Variants in ADGRA2 observed in about 807,000 individuals in gnomAD.
ADGRA2 encodes the protein adhesion G protein-coupled receptor A2.
A neutral mutation model predicts 98.7 loss-of-function variants in ADGRA2; 61 were observed. That is an observed-to-expected ratio of 0.62 (90% CI 0.50 to 0.76). The LOEUF (loss-of-function observed/expected upper bound fraction) is 0.76. Among genes scored for constraint, ADGRA2 ranks in the 30% least tolerant of loss-of-function variants. The probability of loss-of-function intolerance (pLI) is 0.00; values close to 1 mark genes in which losing one functional copy is unlikely to be tolerated. For synonymous variants in ADGRA2, 858 were observed against 831.5 expected (o/e 1.03, Z -0.55); for missense variants, 1,712 against 1,860.0 (o/e 0.92, Z 1.46).
chr8:37,806,620 C>T (rs1243680791), intron 1 of ADGRA2, among the ~76,000 whole-genome samples: 3 of 149,194 alleles, frequency 2.0e-5, no homozygotes, highest in African/African-American at 7.5e-5. Flanking sequence ...ACCTCTGCCT[C>T]CTGGGTTCAA....
chr8:37,838,646 T>G (rs1303076955), intron 14 of ADGRA2, among the ~76,000 whole-genome samples: 2 of 152,232 alleles, frequency 1.3e-5, no homozygotes, highest in East Asian at 3.9e-4. Context: ...ACTGCCACTC[T>G]CCAGTCCTGC....
At chr8:37,833,360 T>C in intron 9 of ADGRA2, 152 bp downstream of exon 9, 1 of 680,836 alleles carries the variant, frequency 1.5e-6, no homozygotes, top group Non-Finnish European at 2.4e-6. Flanking sequence ...GCTCCTCTCC[T>C]CCAGCCGCCC....
rs1330099159 is a variant in ADGRA2 at position 37,822,418 on chromosome 8, C to CACACACACACACAG, written c.339-6470_339-6469insACACACACACACAG. Among the ~76,000 whole-genome samples, 56 of 146,630 alleles carry CACACACACACACAG rather than the reference C, an allele frequency of 3.8e-4. 1 individual carries two copies. The highest frequency in any genetic ancestry group is 5.2e-4 in the Non-Finnish European group (35 of 67,736). ...ACACACACACACACACAGTCACATGCTCTTTAACTCACATGCTCTTTAACG... is the reference window on the plus strand; with the variant it reads ...ACACACACACACACACAGTCACATGCACACACACACACAGTCTTTAACTCACATGCTCTTTAACG... On this transcript the variant is annotated intron_variant, in intron 2 of 18. Coordinates refer to ENST00000412232, the MANE Select transcript of ADGRA2 (RefSeq NM_032777.10).
intron 2 of ADGRA2, among the ~76,000 whole-genome samples, chr8:37,816,927 AACACACACACACACAC>A (rs3050620): frequency 0.036 from 4,703 of 131,976 alleles, 158 homozygotes; most frequent in East Asian, 0.18. Context: ...AAGAAAGCAA[AACACACACACACACAC>A]ACACACACAC....
At position 37,841,639 on chromosome 8, in the gene ADGRA2, G is replaced by C. The variant is rs1805796089; in HGVS notation, c.3301G>C (p.Ala1101Pro). The C allele has an allele frequency of 6.6e-7, 1 of 1,524,400 alleles. No homozygotes were observed. Among genetic ancestry groups the C allele is most frequent in the Non-Finnish European group, 8.8e-7 (1 of 1,136,078 alleles). The allele number at this position is 1,524,400 out of a possible 1,614,324, so 94.4% of individuals were successfully genotyped here. The change falls in exon 19 of 19, where the codon GCC becomes CCC. Residue 1101 changes from alanine (A) to proline (P), a missense_variant. Transcript: ENST00000412232. This position sits in a 1 kb window ranked among gnomAD's most constrained non-coding sequence, Gnocchi z 5.0. ...APHAPPRALP[A>P]AAEDGSPVFG... ...CCATGCCCCGCCCCGGGCCCTGCCCGCCGCCGCAGAGGACGGTTCCCCGGT... is the reference window on the plus strand; with the variant it reads ...CCATGCCCCGCCCCGGGCCCTGCCCCCCGCCGCAGAGGACGGTTCCCCGGT...
chr8:37,803,402 A>G (rs1192000166), intron 1 of ADGRA2, among the ~76,000 whole-genome samples: 1 of 152,152 alleles, frequency 6.6e-6, no homozygotes, highest in Non-Finnish European at 1.5e-5. Context: ...GCCAGAGAGC[A>G]GGGGCGGGGA....
Position 37,797,224 on chromosome 8 carries a change from G to A in ADGRA2, c.-45G>A. The stretch of plus-strand genomic sequence containing the variant: ...ACGCCTGGGTCCCTCCGGCCGGCGC[G>A]CAGCCCGGCCCCAGCGCTGTGGGTC... On this transcript the variant is annotated 5_prime_UTR_variant, in exon 1 of 19. Coordinates refer to ENST00000412232, the MANE Select transcript of ADGRA2 (RefSeq NM_032777.10). This position sits in a 1 kb window ranked among gnomAD's most constrained non-coding sequence, Gnocchi z 5.3. 1 of 1,202,804 alleles carries A rather than the reference G, an allele frequency of 8.3e-7. No individual in the cohort carries two copies. The allele number at this position is 1,202,804 out of a possible 1,614,324, so 74.5% of individuals were successfully genotyped here.
At chr8:37,817,474 G>A (rs1369231537) in intron 2 of ADGRA2, among the ~76,000 whole-genome samples, 1 of 151,986 alleles carries the variant, frequency 6.6e-6, no homozygotes. Flanking sequence ...GCTTTGGGAG[G>A]CAGGCAGATT....
chr8:37,825,232 T>G (rs1805241996), intron 2 of ADGRA2, among the ~76,000 whole-genome samples: 1 of 151,986 alleles, frequency 6.6e-6, no homozygotes, highest in African/African-American at 2.4e-5. Context: ...GATCAGACCA[T>G]CCAGCAAAGG....
chr8:37,827,893 G>A (rs549113513), intron 2 of ADGRA2, among the ~76,000 whole-genome samples: 3 of 152,312 alleles, frequency 2.0e-5, no homozygotes, highest in African/African-American at 7.2e-5. Context: ...CAGCACTTTG[G>A]GAGGCCCAGG....
chr8:37,842,366 G>T lies in ADGRA2; in HGVS notation c.*11G>T. The T allele has an allele frequency of 6.9e-7, 1 of 1,457,342 alleles. No individual in the cohort carries two copies. The highest frequency in any genetic ancestry group is 2.7e-5 in the East Asian group (1 of 37,130). The allele number at this position is 1,457,342 out of a possible 1,614,324, so 90.3% of individuals were successfully genotyped here. On this transcript the variant is annotated 3_prime_UTR_variant, in exon 19 of 19. Coordinates refer to ENST00000412232, the MANE Select transcript of ADGRA2 (RefSeq NM_032777.10). ...GAAACTACCGTCTAAGGTGGGGCGG[G>T]CGACGCGGTAGACGGGCTGGCCACG...
In ADGRA2 at chr8:37,842,448, G is replaced by A; in HGVS notation, c.*93G>A. The A allele has an allele frequency of 7.3e-7, 1 of 1,377,748 alleles. No homozygotes were observed. The highest frequency in any genetic ancestry group is 1.8e-5 in the South Asian group (1 of 56,360). 85.3% of individuals were successfully genotyped at this position (1,377,748 alleles called of 1,614,324 possible). On this transcript the variant is annotated 3_prime_UTR_variant, in exon 19 of 19. Transcript: ENST00000412232. Reference sequence around the variant, plus strand: ...AAGGTGTCTCCGTAGTCAGCAGGTTGGAGGCAGAGGAGCCGATGGCTGGAG... The same window carrying A: ...AAGGTGTCTCCGTAGTCAGCAGGTTAGAGGCAGAGGAGCCGATGGCTGGAG...
chr8:37,805,014 A>T (rs549103772), intron 1 of ADGRA2, among the ~76,000 whole-genome samples: 1 of 152,202 alleles, frequency 6.6e-6, no homozygotes, highest in South Asian at 2.1e-4. Flanking sequence ...AGACAATGTG[A>T]CCCCTATGGG....
At chr8:37,804,541 C>CA (rs1376936642) in intron 1 of ADGRA2, among the ~76,000 whole-genome samples, 1 of 152,212 alleles carries the variant, frequency 6.6e-6, no homozygotes, top group Non-Finnish European at 1.5e-5. Context: ...AATAGGTTAG[C>CA]AAACAGGAGG....
At position 37,834,005 on chromosome 8, in the gene ADGRA2, G is replaced by A. The variant is rs1805536119; in HGVS notation, c.1485G>A (p.Met495Ile). Residue 495 changes from methionine (M) to isoleucine (I), a missense_variant, in exon 11 of 19, where the codon ATG becomes ATA. Coordinates refer to ENST00000412232, the MANE Select transcript of ADGRA2 (RefSeq NM_032777.10). This position sits in a 1 kb window ranked among gnomAD's most constrained non-coding sequence, Gnocchi z 4.2. ...EVMVDMASNL[M>I]LVDEHLLWLA... ...TGGTGGACATGGCCAGCAACCTGAT[G>A]CTGGTGGACGAGCACCTGCTGTGGC... The A allele has an allele frequency of 6.2e-7, 1 of 1,613,194 alleles. No individual in the cohort carries two copies. The highest frequency in any genetic ancestry group is 8.5e-7 in the Non-Finnish European group (1 of 1,179,962).
intron 9 of ADGRA2, 144 bp from the exon 10 acceptor site, chr8:37,833,544 C>T (rs1203371042): frequency 1.3e-6 from 1 of 793,962 alleles, no homozygotes; most frequent in Non-Finnish European, 2.0e-6. Flanking sequence ...CCTCCTCTGC[C>T]CTCCTAGCTT....
intron 5 of ADGRA2, 40 bp from the exon 6 acceptor site, chr8:37,829,811 C>A: frequency 1.3e-6 from 2 of 1,586,312 alleles, no homozygotes; most frequent in Non-Finnish European, 8.6e-7. Flanking sequence ...AGCCCACACT[C>A]CCTCTGCTCT....
intron 9 of ADGRA2, 37 bp downstream of exon 9, chr8:37,833,245 C>T (rs777754395): frequency 7.9e-6 from 12 of 1,509,570 alleles, no homozygotes; most frequent in Admixed American, 5.8e-5. Context: ...AGCTCTGCTT[C>T]GGGGGCACAG....
At chr8:37,808,771 G>A (rs958738383) in intron 1 of ADGRA2, among the ~76,000 whole-genome samples, 1 of 152,104 alleles carries the variant, frequency 6.6e-6, no homozygotes, top group Non-Finnish European at 1.5e-5. Flanking sequence ...GGGTAACATA[G>A]TGAGATCCTC....
Sources: gnomAD v4.1 joint callset for allele counts (sites outside exome capture counted in the v4.1 genomes callset) on GRCh38, gnomAD v4.1.1 for gene constraint, Gnocchi (gnomAD v3.1) non-coding constraint, MANE v1.5 for transcripts, NCBI Gene and HGNC (gene_info 2026-07-23, HGNC 2026-07-21) for gene names.